Variants in TP53BP1 observed in about 807,000 individuals in gnomAD.
The protein encoded by TP53BP1 is TP53-binding protein 1.
In TP53BP1, 61 loss-of-function variants were observed where a neutral mutation model predicts 200.8. The ratio of observed to expected loss-of-function variants is 0.30; its 90% CI spans 0.25 to 0.38. TP53BP1 has a LOEUF of 0.38. TP53BP1 is among the 10% of genes least tolerant of loss of function. The pLI, the probability that TP53BP1 is intolerant of heterozygous loss-of-function variation, is 1.00. For missense variants in TP53BP1, 2,144 were observed against 2,371.9 expected, an observed-to-expected ratio of 0.90 and a Z score of 2.00; for synonymous variants, 822 against 844.3, an observed-to-expected ratio of 0.97 and a Z score of 0.46.
intron 10 of TP53BP1, among the ~76,000 whole-genome samples, chr15:43,471,682 C>A (rs1272688443): frequency 6.6e-6 from 1 of 152,186 alleles, no homozygotes; most frequent in Non-Finnish European, 1.5e-5. Flanking sequence ...CCCACCTTGG[C>A]CTCCCAAAGT....
upstream of TP53BP1, among the ~76,000 whole-genome samples, chr15:43,495,818 A>G (rs2079179963): frequency 6.8e-6 from 1 of 147,664 alleles, no homozygotes; most frequent in South Asian, 2.1e-4. Flanking sequence ...CCCCGTCTCA[A>G]AAAAAAAAAA....
chr15:43,492,069 T>C lies in TP53BP1; in HGVS notation c.219A>G (p.Thr73=), dbSNP rs2079131906. 1 of 1,613,900 alleles carries C rather than the reference T, an allele frequency of 6.2e-7. No homozygotes were observed. The highest frequency in any genetic ancestry group is 1.7e-5 in the Admixed American group (1 of 60,012). ...TACCGTCTCCTCGTTCTTCTCCAGC[T>C]GTTTGTTCAGGATTGGACACAACAT... ...VLDVVSNPEQ[T]AGEERGDGNS... Residue 73 remains threonine (T), a synonymous_variant, in exon 3 of 28, where the codon ACA becomes ACG. Coordinates refer to ENST00000382044, the MANE Select transcript of TP53BP1 (RefSeq NM_001141980.3).
chr15:43,493,068 G>C lies in TP53BP1; in HGVS notation c.-25C>G, dbSNP rs766355135. On this transcript the variant is annotated 5_prime_UTR_variant, in exon 1 of 28. Coordinates refer to ENST00000382044, the MANE Select transcript of TP53BP1 (RefSeq NM_001141980.3). ...TCCCGGCGGGAGGTCCCTCGCGCTC[G>C]AGCTAGAGGTCTCTGCACGCTCCCC... The C allele has an allele frequency of 5.0e-6, 8 of 1,612,400 alleles. No homozygotes were observed. The highest frequency in any genetic ancestry group is 6.8e-6 in the Non-Finnish European group (8 of 1,179,584).
chr15:43,413,966 C>G (rs1456601583), intron 23 of TP53BP1: 1 of 367,166 alleles, frequency 2.7e-6, no homozygotes, highest in Non-Finnish European at 5.6e-6. Context: ...TTTTCAACAC[C>G]TGGGTAAGTA....
intron 1 of TP53BP1, among the ~76,000 whole-genome samples, chr15:43,498,615 A>T (rs1373374356): frequency 1.3e-5 from 2 of 152,202 alleles, no homozygotes; most frequent in African/African-American, 4.8e-5. Flanking sequence ...ATTTGAGAAG[A>T]CTACAAAGAC....
chr15:43,473,528 C>T (rs2046778494), intron 10 of TP53BP1, among the ~76,000 whole-genome samples: 1 of 152,208 alleles, frequency 6.6e-6, no homozygotes, highest in Non-Finnish European at 1.5e-5. Context: ...ACACAGGGTG[C>T]TGATTGGTGT....
chr15:43,407,798 C>G, intron 27 of TP53BP1, 145 bp downstream of exon 27: 2 of 879,422 alleles, frequency 2.3e-6, no homozygotes, highest in East Asian at 2.4e-5. Context: ...TATGTTGACT[C>G]ACCTCTTGAA....
At chr15:43,433,599 T>C (rs1381112291) in intron 16 of TP53BP1, among the ~76,000 whole-genome samples, 1 of 152,184 alleles carries the variant, frequency 6.6e-6, no homozygotes, top group Non-Finnish European at 1.5e-5. Context: ...AATCAATTAA[T>C]TGCAAAATCT....
chr15:43,493,551 C>T (rs1249608984), upstream of TP53BP1, among the ~76,000 whole-genome samples: 1 of 116,576 alleles, frequency 8.6e-6, no homozygotes, highest in African/African-American at 6.5e-5. Flanking sequence ...AAAGAAGAAG[C>T]GGCTTGAGGA....
Position 43,446,607 on chromosome 15 carries a change from A to AG in TP53BP1, c.2837-18dup, listed in dbSNP as rs775264884. ...TGCTAATACCTGAAAGAAGTGAGGC[A>AG]GGGAGGAAGAAAAAAAGAACACTAA... is the stretch of plus-strand genomic sequence containing the variant. On this transcript the variant is annotated splice_polypyrimidine_tract_variant and intron_variant, in intron 13 of 27. Transcript: ENST00000382044. The AG allele has an allele frequency of 1.3e-5, 21 of 1,604,066 alleles. No homozygotes were observed. The South Asian group carries it at 2.3e-4, about 18-fold the overall frequency.
At chr15:43,509,189 G>C (rs1474796972) in intron 1 of TP53BP1, among the ~76,000 whole-genome samples, 1 of 44,712 alleles carries the variant, frequency 2.2e-5, no homozygotes, top group Admixed American at 2.4e-4. Flanking sequence ...ATCCACAAAC[G>C]GGGGGGGGGG....
chr15:43,460,208 A>C (rs192485122), intron 11 of TP53BP1, among the ~76,000 whole-genome samples: 1 of 152,266 alleles, frequency 6.6e-6, no homozygotes, highest in Non-Finnish European at 1.5e-5. Context: ...CCTAATGTAA[A>C]TGATGTAAAA....
intron 15 of TP53BP1, among the ~76,000 whole-genome samples, chr15:43,439,360 G>A (rs1048274069): frequency 1.1e-4 from 17 of 152,206 alleles, no homozygotes; most frequent in Middle Eastern, 3.4e-3. Flanking sequence ...GCAACATGAC[G>A]AAACCCCATC....
intron 12 of TP53BP1, among the ~76,000 whole-genome samples, chr15:43,448,317 T>G (rs45608140): frequency 6.6e-6 from 1 of 152,202 alleles, no homozygotes; most frequent in Non-Finnish European, 1.5e-5. Flanking sequence ...TTTTATAAAA[T>G]GATACATTTG....
intron 14 of TP53BP1, among the ~76,000 whole-genome samples, chr15:43,441,863 C>T (rs1004116494): frequency 6.6e-6 from 1 of 152,068 alleles, no homozygotes; most frequent in Non-Finnish European, 1.5e-5. Flanking sequence ...CGATCTCCTG[C>T]CTCAACCTCC....
rs773874727 is a variant in TP53BP1 at position 43,438,372 on chromosome 15, C to T, written c.3143G>A (p.Arg1048Lys). The T allele has an allele frequency of 3.1e-6, 5 of 1,613,898 alleles. No homozygotes were observed. In the South Asian group the frequency reaches 4.4e-5, roughly 14 times the overall value. ...CTCACTTCGAGCCTCATTCTCTTGC[C>T]TGGCTTCACAGATACAGCTCAACAC... ...MSVLSCICEA[R>K]QENEARSEDP... The change falls in exon 16 of 28, where the codon AGG (arginine) becomes AAG (lysine). Residue 1048 changes from arginine (R) to lysine (K), a missense_variant. Coordinates refer to ENST00000382044, the MANE Select transcript of TP53BP1 (RefSeq NM_001141980.3).
Position 43,441,777 on chromosome 15 carries a change from G to T in TP53BP1, c.3041-194C>A, listed in dbSNP as rs181993942. Among the ~76,000 whole-genome samples, 65 of 152,258 alleles carry T rather than the reference G, an allele frequency of 4.3e-4. No individual in the cohort carries two copies. In the South Asian group the frequency reaches 4.4e-3, roughly 10 times the overall value. On this transcript the variant is annotated intron_variant, in intron 14 of 27. Coordinates refer to ENST00000382044, the MANE Select transcript of TP53BP1 (RefSeq NM_001141980.3). ...TTATTTATTTCTTTATTTTGAGACAGTCTCACTCTATCACCCAAGCTGGAG... is the reference window on the plus strand; with the variant it reads ...TTATTTATTTCTTTATTTTGAGACATTCTCACTCTATCACCCAAGCTGGAG...
At chr15:43,413,087 G>A (rs2045165985) in intron 24 of TP53BP1, 32 bp downstream of exon 24, 3 of 1,606,932 alleles carry the variant, frequency 1.9e-6, no homozygotes, top group African/African-American at 2.7e-5. Flanking sequence ...GTGCCTATGT[G>A]TCAGAGCTCC....
At chr15:43,475,771 A>G (rs986069626) in intron 8 of TP53BP1, 77 bp from the exon 9 acceptor site, 21 of 1,491,742 alleles carry the variant, frequency 1.4e-5, no homozygotes, top group African/African-American at 5.6e-5. Flanking sequence ...TACTGCAAAG[A>G]GTAATATCCA....
Sources: allele counts gnomAD v4.1 joint callset (sites outside exome capture counted in the v4.1 genomes callset), GRCh38; gene constraint gnomAD v4.1.1; transcripts MANE v1.5; gene names NCBI Gene and HGNC (gene_info 2026-07-23, HGNC 2026-07-21).